CNOT6: variants seen among roughly 807,000 people sequenced by gnomAD.
CNOT6 encodes the protein CCR4-NOT transcription complex subunit 6.
Under a neutral mutation model 61.2 loss-of-function variants are expected in CNOT6, and 12 were observed. The observed-to-expected ratio is 0.20, with a 90% confidence interval of 0.13 to 0.32. The LOEUF (loss-of-function observed/expected upper bound fraction) is 0.32, where lower values mean the gene tolerates loss of function less well. Among genes scored for constraint, CNOT6 ranks in the 10% least tolerant of loss-of-function variants. The pLI is 1.00. For missense variants in CNOT6, 405 were observed against 663.9 expected (o/e 0.61, Z 4.28); for synonymous variants, 225 against 240.6 (o/e 0.94, Z 0.60).
intron 2 of CNOT6, among the ~76,000 whole-genome samples, chr5:180,546,882 T>G (rs901362582): frequency 1.2e-4 from 18 of 152,252 alleles, no homozygotes; most frequent in Non-Finnish European, 1.5e-5. Context: ...TTATTTTTTA[T>G]TTTTGAATGC....
At chr5:180,541,679 C>T (rs1331328189) in intron 2 of CNOT6, among the ~76,000 whole-genome samples, 4 of 151,826 alleles carry the variant, frequency 2.6e-5, no homozygotes, top group Admixed American at 2.6e-4. Flanking sequence ...GTCTCGATCT[C>T]CTGACCTCGT....
chr5:180,525,336 A>G (rs941100961), intron 1 of CNOT6, among the ~76,000 whole-genome samples: 2 of 152,140 alleles, frequency 1.3e-5, no homozygotes, highest in Non-Finnish European at 2.9e-5. Flanking sequence ...CAGGAGTTTG[A>G]GACCAGCTTG....
chr5:180,549,874 CA>C, intron 2 of CNOT6, 56 bp from the exon 3 acceptor site: 2 of 1,303,630 alleles, frequency 1.5e-6, no homozygotes, highest in Non-Finnish European at 2.1e-6. Context: ...CTGAAATCTA[CA>C]GAACAAAATG....
rs1347940514 is a variant in CNOT6, at chr5:180,577,754, A to T, written c.*3554A>T. On this transcript the variant is annotated 3_prime_UTR_variant, in exon 12 of 12. Transcript: ENST00000261951. ...CATTATCTGCACTATAAGCTCAAAG[A>T]ATGTCACATCCGCCCAGACAGCTCT... 5 of 152,668 alleles carry T rather than the reference A, an allele frequency of 3.3e-5. No individual in the cohort carries two copies. The highest frequency in any genetic ancestry group is 1.2e-4 in the African/African-American group (5 of 41,456). The allele number at this position is 152,668 out of a possible 1,614,324, so 9.5% of individuals were successfully genotyped here. A position where few individuals can be genotyped will look rare whatever the true frequency, so the allele number is the denominator to read the frequency against.
chr5:180,555,429 T>G (rs1759834318), intron 4 of CNOT6, among the ~76,000 whole-genome samples: 1 of 152,218 alleles, frequency 6.6e-6, no homozygotes, highest in Non-Finnish European at 1.5e-5. Flanking sequence ...TTCAGATGCT[T>G]TACTTTATCA....
rs1424922626 is a variant in CNOT6, at chr5:180,576,013, A to C, written c.*1813A>C. The C allele has an allele frequency of 6.8e-6, 1 of 148,080 alleles. No homozygotes were observed. The highest frequency in any genetic ancestry group is 1.5e-5 in the Non-Finnish European group (1 of 67,060). 9.2% of individuals were successfully genotyped at this position (148,080 alleles called of 1,614,324 possible). On this transcript the variant is annotated 3_prime_UTR_variant, in exon 12 of 12. Transcript: ENST00000261951. ...TTGTTTTTTCTAGGATTTCATTGTG[A>C]TGTTTTGGTTTTGTTTTTTGCTTTT...
chr5:180,498,738 G>A (rs1756728477), intron 1 of CNOT6, among the ~76,000 whole-genome samples: 1 of 152,234 alleles, frequency 6.6e-6, no homozygotes, highest in South Asian at 2.1e-4. Context: ...CATCCCTGTG[G>A]AGAATAGAGT....
chr5:180,538,686 G>GTATATATATGTATA lies in CNOT6; in HGVS notation c.112+9307_112+9308insGTATATATATATAT, dbSNP rs1163540445. On this transcript the variant is annotated intron_variant, in intron 2 of 11. Transcript: ENST00000261951. ...GAGCGAGACTCTGTCTGAGAAAAAG[G>GTATATATATGTATA]TATATATATATATATATATATATAT... is the stretch of plus-strand genomic sequence containing the variant. 2.6e-4 allele frequency among the ~76,000 whole-genome samples: 22 copies of GTATATATATGTATA among 85,132 alleles called. No individual in the cohort carries two copies. In the South Asian group the frequency reaches 3.9e-3, roughly 15 times the overall value. The allele number at this position is 85,132 out of a possible 152,430, so 55.8% of individuals were successfully genotyped here. A position where few individuals can be genotyped will look rare whatever the true frequency, so the allele number is the denominator to read the frequency against.
At chr5:180,528,409 C>G (rs992994404) in intron 1 of CNOT6, among the ~76,000 whole-genome samples, 1 of 152,186 alleles carries the variant, frequency 6.6e-6, no homozygotes, top group African/African-American at 2.4e-5. Flanking sequence ...CTCCCGGGTT[C>G]ACGCCATTCT....
At chr5:180,559,235 G>C (rs1341496211) in intron 4 of CNOT6, among the ~76,000 whole-genome samples, 5 of 152,174 alleles carry the variant, frequency 3.3e-5, no homozygotes, top group Non-Finnish European at 7.3e-5. Context: ...AATAATTGTA[G>C]ACTCTGTTTT....
chr5:180,567,159 C>T lies in CNOT6; in HGVS notation c.789C>T (p.Phe263=), dbSNP rs1581570437. 1 of 1,613,824 alleles carries T rather than the reference C, an allele frequency of 6.2e-7. No individual in the cohort carries two copies. The highest frequency in any genetic ancestry group is 1.3e-5 in the African/African-American group (1 of 75,030). The change falls in exon 8 of 12, where the codon TTC becomes TTT. Residue 263 remains phenylalanine (F), a synonymous_variant. Transcript: ENST00000261951. ...AAGAACGTGGCTATAATGGATTCTT[C>T]AGTCCTAAGTCTAGAGCTAGGACAA... The part of the protein sequence containing the change: ...ELKERGYNGF[F]SPKSRARTMS...
At chr5:180,522,330 G>A (rs370803060) in intron 1 of CNOT6, among the ~76,000 whole-genome samples, 1 of 152,148 alleles carries the variant, frequency 6.6e-6, no homozygotes, top group East Asian at 1.9e-4. Context: ...GCCCAGGCTG[G>A]TCTTGAATTC....
At chr5:180,521,540 A>G (rs935993732) in intron 1 of CNOT6, among the ~76,000 whole-genome samples, 5 of 152,292 alleles carry the variant, frequency 3.3e-5, no homozygotes, top group African/African-American at 4.8e-5. Context: ...TGACTTACAG[A>G]CTGAGTAATT....
chr5:180,495,134 C>T (rs530382614), intron 1 of CNOT6, among the ~76,000 whole-genome samples: 3 of 152,292 alleles, frequency 2.0e-5, no homozygotes, highest in South Asian at 2.1e-4. Flanking sequence ...TTGAGAAGCG[C>T]CTCTGTGGGT....
chr5:180,538,756 C>T (rs1023645188), intron 2 of CNOT6, among the ~76,000 whole-genome samples: 1 of 148,534 alleles, frequency 6.7e-6, no homozygotes, highest in Non-Finnish European at 1.5e-5. Flanking sequence ...CAACTGTGGT[C>T]CCAGCTACCC....
chr5:180,518,766 G>T (rs1757757498), intron 1 of CNOT6, among the ~76,000 whole-genome samples: 1 of 152,196 alleles, frequency 6.6e-6, no homozygotes, highest in African/African-American at 2.4e-5. Context: ...CTCCCAAAGT[G>T]CTGGGATTAC....
rs1761011432 is a variant in CNOT6 at position 180,576,684 on chromosome 5, G to GACT, written c.*2484_*2485insACT. On this transcript the variant is annotated 3_prime_UTR_variant, in exon 12 of 12. Transcript: ENST00000261951. The stretch of plus-strand genomic sequence containing the variant: ...GAGGAAGAACTATTTGGGGTCTGTA[G>GACT]GTAATGAACAGTCACACCAAAATAG... The GACT allele has an allele frequency of 6.6e-6, 1 of 152,190 alleles. No individual in the cohort carries two copies. Among genetic ancestry groups the GACT allele is most frequent in the Non-Finnish European group, 1.5e-5 (1 of 68,034 alleles). The allele number at this position is 152,190 out of a possible 1,614,324, so 9.4% of individuals were successfully genotyped here.
chr5:180,524,231 T>C (rs1757996183), intron 1 of CNOT6, among the ~76,000 whole-genome samples: 1 of 152,212 alleles, frequency 6.6e-6, no homozygotes, highest in African/African-American at 2.4e-5. Flanking sequence ...CTTTTATTAT[T>C]TTAGGTAGTA....
intron 2 of CNOT6, among the ~76,000 whole-genome samples, chr5:180,541,773 G>C (rs1348538616): frequency 6.8e-6 from 1 of 147,836 alleles, no homozygotes; most frequent in Non-Finnish European, 1.5e-5. Flanking sequence ...TTTTTTTTTT[G>C]GTATTTTTTT....
Sources: allele counts gnomAD v4.1 joint callset (sites outside exome capture counted in the v4.1 genomes callset), GRCh38; gene constraint gnomAD v4.1.1; transcripts MANE v1.5; gene names NCBI Gene and HGNC (gene_info 2026-07-23, HGNC 2026-07-21).